Variants in AP5Z1 observed in about 807,000 individuals in gnomAD.
AP5Z1 encodes the protein AP-5 complex subunit zeta-1.
AP5Z1 carries 106 observed loss-of-function variants against 83.0 expected under a neutral mutation model. The observed-to-expected ratio is 1.28, with a 90% CI of 1.09 to 1.50. The LOEUF (loss-of-function observed/expected upper bound fraction) is 1.50, where lower values mean the gene tolerates loss of function less well. Ranked by LOEUF, AP5Z1 falls within the 40% of genes most tolerant of loss-of-function variation. The probability of loss-of-function intolerance (pLI) is 0.00; values close to 1 mark genes in which losing one functional copy is unlikely to be tolerated. For synonymous variants in AP5Z1, 751 were observed against 514.1 expected, an observed-to-expected ratio of 1.46 and a Z score of -6.23; for missense variants, 1,565 against 1,094.2, an observed-to-expected ratio of 1.43 and a Z score of -6.07.
At chr7:4,775,779 G>C (rs778370233) in intron 1 of AP5Z1, 23 bp downstream of exon 1, 2 of 1,600,758 alleles carry the variant, frequency 1.2e-6, no homozygotes, top group Middle Eastern at 1.9e-4. Flanking sequence ...TGCGGCCCCG[G>C]CCCTCCTTCC....
chr7:4,788,749 C>A, intron 12 of AP5Z1, 91 bp from the exon 13 acceptor site: 1 of 1,152,824 alleles, frequency 8.7e-7, no homozygotes, highest in Non-Finnish European at 1.2e-6. Context: ...GCGGGCTCAG[C>A]TGTGCGAGAG....
Position 4,789,898 on chromosome 7 carries a change from C to T in AP5Z1, c.1774C>T (p.Pro592Ser). Residue 592 changes from proline (P) to serine (S), a missense_variant, in exon 14 of 17, where the codon CCG becomes TCG. Transcript: ENST00000649063. ...LLLGRSDSLY[P>S]APGYAAGVHS... ...CCTGGGCAGGAGCGACTCGCTCTAC[C>T]CGGCCCCAGGGTACGCTGCCGGTGT... The T allele has an allele frequency of 6.4e-7, 1 of 1,550,864 alleles. No homozygotes were observed. The highest frequency in any genetic ancestry group is 8.7e-7 in the Non-Finnish European group (1 of 1,147,348).
chr7:4,779,878 G>A (rs1317606481), intron 1 of AP5Z1, among the ~76,000 whole-genome samples: 1 of 151,978 alleles, frequency 6.6e-6, no homozygotes, highest in Non-Finnish European at 1.5e-5. Context: ...CCTGACCTCA[G>A]GTGATCAGCC....
In AP5Z1 at chr7:4,791,971, T is replaced by C. The variant is rs34767537; in HGVS notation, c.*586T>C. On this transcript the variant is annotated 3_prime_UTR_variant, in exon 17 of 17. Transcript: ENST00000649063. The stretch of plus-strand genomic sequence containing the variant: ...CCGCTCTGGGTGGTGCGCTTGTCAA[T>C]GCCCCTTTTGATGCCCTTGAATAGC... 2,045 of 152,766 alleles carry C rather than the reference T, an allele frequency of 0.013. 21 individuals carry two copies. The highest frequency in any genetic ancestry group is 0.034 in the Middle Eastern group (10 of 294). 9.5% of individuals were successfully genotyped at this position (152,766 alleles called of 1,614,324 possible). A position where few individuals can be genotyped will look rare whatever the true frequency, so the allele number is the denominator to read the frequency against.
chr7:4,778,812 TATATG>T (rs1781290853), intron 1 of AP5Z1, among the ~76,000 whole-genome samples: 1 of 145,628 alleles, frequency 6.9e-6, no homozygotes, highest in African/African-American at 2.5e-5. Context: ...TGTTATATAT[TATATG>T]TTATATTATA....
chr7:4,779,677 G>A (rs900125384), intron 1 of AP5Z1, among the ~76,000 whole-genome samples: 10 of 151,076 alleles, frequency 6.6e-5, no homozygotes, highest in African/African-American at 1.5e-4. Flanking sequence ...TTTTGCTCTC[G>A]TTGCCCAAGC....
At position 4,791,392 on chromosome 7, in the gene AP5Z1, A is replaced by C; in HGVS notation, c.*7A>C. 6.2e-7 allele frequency: 1 copy of C among 1,600,610 alleles called. No individual in the cohort carries two copies. The highest frequency in any genetic ancestry group is 8.5e-7 in the Non-Finnish European group (1 of 1,173,650). ...CGGCCTCATGCCAGGGTGAAGGGACAGTGGCCAGGGACTTCGGTGCAGATT... is the reference window on the plus strand; with the variant it reads ...CGGCCTCATGCCAGGGTGAAGGGACCGTGGCCAGGGACTTCGGTGCAGATT... On this transcript the variant is annotated 3_prime_UTR_variant, in exon 17 of 17. Transcript: ENST00000649063.
chr7:4,790,732 G>C lies in AP5Z1; in HGVS notation c.1998G>C (p.Gln666His), dbSNP rs371885010. 17 of 1,610,850 alleles carry C rather than the reference G, an allele frequency of 1.1e-5. No individual in the cohort carries two copies. Among genetic ancestry groups the C allele is most frequent in the Admixed American group, 1.7e-5 (1 of 59,798 alleles). ...VTYDRRCTVE[Q>H]INKFFEALEA... ...ACGATCGGAGGTGCACCGTGGAGCA[G>C]ATCAACAAGTTCTTCGAAGCCCTGG... is the stretch of plus-strand genomic sequence containing the variant. The change falls in exon 16 of 17, where the codon CAG (glutamine) becomes CAC (histidine). Residue 666 changes from glutamine to histidine, a missense_variant. By Grantham distance (24) the Gln-to-His change is conservative. Transcript: ENST00000649063.
chr7:4,790,918 T>C (rs1304792528), intron 16 of AP5Z1, 31 bp downstream of exon 16: 1 of 1,555,338 alleles, frequency 6.4e-7, no homozygotes, highest in Non-Finnish European at 8.7e-7. Flanking sequence ...CGAAGCCTTC[T>C]GGCTCCTGGG....
chr7:4,779,392 A>G (rs1260233848), intron 1 of AP5Z1, among the ~76,000 whole-genome samples: 1 of 146,782 alleles, frequency 6.8e-6, no homozygotes, highest in East Asian at 1.9e-4. Context: ...TAACATGATT[A>G]TTATATATCA....
intron 12 of AP5Z1, chr7:4,788,556 C>T (rs1027232186): frequency 3.9e-6 from 2 of 518,172 alleles, no homozygotes; most frequent in Non-Finnish European, 6.6e-6. Flanking sequence ...CTCCATTTTG[C>T]AGATGGACAA....
chr7:4,784,211 C>G lies in AP5Z1; in HGVS notation c.630C>G (p.Pro210=), dbSNP rs747413625. 6.3e-7 allele frequency: 1 copy of G among 1,583,120 alleles called. No homozygotes were observed. Among genetic ancestry groups the G allele is most frequent in the Non-Finnish European group, 8.6e-7 (1 of 1,167,250 alleles). Residue 210 remains proline (P), a synonymous_variant, in exon 6 of 17, where the codon CCC becomes CCG. Transcript: ENST00000649063. ...FSTPRARQPG[P]VTEVDGAVAT... The stretch of plus-strand genomic sequence containing the variant: ...GCCTGTCCTTCCCACAGCCGGGCCC[C>G]GTCACCGAGGTGGACGGGGCGGTAG...
chr7:4,784,447 G>A, intron 6 of AP5Z1, 76 bp downstream of exon 6: 2 of 1,478,846 alleles, frequency 1.4e-6, no homozygotes, highest in Non-Finnish European at 1.8e-6. Flanking sequence ...GGGGGACACG[G>A]GCGGAGGTGG....
Position 4,791,097 on chromosome 7 carries a change from G to C in AP5Z1, c.2154-18G>C, listed in dbSNP as rs752636502. On this transcript the variant is annotated intron_variant, in intron 16 of 16. Transcript: ENST00000649063. ...GAGGGGAGCATCTGCAGCTGACGGA[G>C]GGACCTTCTTTCCCCAGGGCCTCTT... 3 of 1,561,376 alleles carry C rather than the reference G, an allele frequency of 1.9e-6. No homozygotes were observed. The highest frequency in any genetic ancestry group is 1.3e-5 in the African/African-American group (1 of 74,092).
chr7:4,787,773 T>C lies in AP5Z1; in HGVS notation c.1451T>C (p.Leu484Pro). 2 of 1,533,294 alleles carry C rather than the reference T, an allele frequency of 1.3e-6. No individual in the cohort carries two copies. Among genetic ancestry groups the C allele is most frequent in the Non-Finnish European group, 1.7e-6 (2 of 1,143,344 alleles). 95.0% of individuals were successfully genotyped at this position (1,533,294 alleles called of 1,614,324 possible). Reference protein sequence around the residue: ...PCLTAVLDLQLRSAPAASERP... With the variant: ...PCLTAVLDLQPRSAPAASERP... ...TTGACGGCGGTGCTGGACCTGCAGCTCAGGTGGGCCCCTCACCCTCTGCCA... is the reference window on the plus strand; with the variant it reads ...TTGACGGCGGTGCTGGACCTGCAGCCCAGGTGGGCCCCTCACCCTCTGCCA... Residue 484 changes from leucine (L) to proline (P), a missense_variant, in exon 11 of 17, where the codon CTC becomes CCC. By Grantham distance (98) the Leu-to-Pro change is moderately conservative. Coordinates refer to ENST00000649063, the MANE Select transcript of AP5Z1 (RefSeq NM_014855.3).
chr7:4,780,855 C>G (rs569031984), intron 1 of AP5Z1, among the ~76,000 whole-genome samples: 2 of 152,294 alleles, frequency 1.3e-5, no homozygotes, highest in Non-Finnish European at 2.9e-5. Context: ...AGTAAATTTC[C>G]TACTCTTGAA....
At position 4,783,715 on chromosome 7, in the gene AP5Z1, C is replaced by G. The variant is rs762118310; in HGVS notation, c.538C>G (p.Leu180Val). 1 of 1,550,592 alleles carries G rather than the reference C, an allele frequency of 6.4e-7. No homozygotes were observed. The highest frequency in any genetic ancestry group is 8.7e-7 in the Non-Finnish European group (1 of 1,147,000). ...EDQATLLSKR[L>V]VDWLRYASLQ... Reference sequence around the variant, plus strand: ...CCAGGCCACCCTGCTCAGCAAGCGGCTGGTCGACTGGCTGCGCTACGCCAG... The same window carrying G: ...CCAGGCCACCCTGCTCAGCAAGCGGGTGGTCGACTGGCTGCGCTACGCCAG... Residue 180 changes from leucine (L) to valine (V), a missense_variant, in exon 5 of 17, where the codon CTG becomes GTG. Physicochemically the swap from Leu to Val is conservative, Grantham distance 32. Transcript: ENST00000649063.
intron 14 of AP5Z1, 135 bp downstream of exon 14, chr7:4,790,064 A>AC: frequency 4.5e-6 from 5 of 1,104,964 alleles, no homozygotes; most frequent in Non-Finnish European, 6.0e-6. Context: ...AGACCCTGCC[A>AC]CCCCCACCCA....
chr7:4,782,765 C>T (rs1240884974), intron 3 of AP5Z1, among the ~76,000 whole-genome samples: 1 of 150,966 alleles, frequency 6.6e-6, no homozygotes, highest in Non-Finnish European at 1.5e-5. Context: ...GTTTCACCCG[C>T]CCTTCTCCTC....
Sources: gnomAD v4.1 joint callset for allele counts (sites outside exome capture counted in the v4.1 genomes callset) on GRCh38, gnomAD v4.1.1 for gene constraint, MANE v1.5 for transcripts, NCBI Gene and HGNC (gene_info 2026-07-23, HGNC 2026-07-21) for gene names.